HORMAD2: variants seen among roughly 807,000 people sequenced by gnomAD.
HORMAD2 encodes the protein HORMA domain-containing protein 2.
HORMAD2 carries 45 observed loss-of-function variants against 38.8 expected under a neutral mutation model. The observed-to-expected ratio is 1.16, with a 90% CI of 0.91 to 1.49. HORMAD2 has a LOEUF of 1.49. HORMAD2 is among the 40% of genes most tolerant of loss of function. The pLI, the probability that HORMAD2 is intolerant of heterozygous loss-of-function variation, is 0.00. For synonymous variants in HORMAD2, 126 were observed against 122.8 expected (o/e 1.03, Z -0.17); for missense variants, 338 against 367.0 (o/e 0.92, Z 0.65).
rs1022553067 is a variant in HORMAD2 at position 30,158,614 on chromosome 22, C to T, written c.820-17449C>T. ...CCTTCCTTCCCTCCCTCCCTCCGTC[C>T]CTCCCTCCCTCCCTTCCTCCCTTCC... On this transcript the variant is annotated intron_variant, in intron 10 of 10. Transcript: ENST00000336726. 3.0e-3 allele frequency among the ~76,000 whole-genome samples: 361 copies of T among 120,930 alleles called. 6 individuals are homozygous for T. Among genetic ancestry groups the T allele is most frequent in the East Asian group, 0.014 (46 of 3,382 alleles). The allele number at this position is 120,930 out of a possible 152,430, so 79.3% of individuals were successfully genotyped here.
intron 1 of HORMAD2, among the ~76,000 whole-genome samples, chr22:30,081,851 C>G (rs765402137): frequency 2.0e-5 from 3 of 152,164 alleles, no homozygotes; most frequent in Non-Finnish European, 2.9e-5. Flanking sequence ...TCCCAGAGTG[C>G]TGGGATTACA....
intron 10 of HORMAD2, among the ~76,000 whole-genome samples, chr22:30,135,330 G>A (rs1057246821): frequency 3.3e-5 from 5 of 151,868 alleles, no homozygotes; most frequent in South Asian, 2.1e-4. Context: ...CAGAAGAAAA[G>A]TGAGACCAGT....
the HORMAD2 span, among the ~76,000 whole-genome samples, chr22:30,205,727 G>A: frequency 6.6e-6 from 1 of 152,152 alleles, no homozygotes; most frequent in Non-Finnish European, 1.5e-5. Context: ...AGAGGAATTT[G>A]GCAGGGATCT....
intron 2 of HORMAD2, 51 bp downstream of exon 2, chr22:30,094,054 C>A: frequency 7.9e-7 from 1 of 1,262,888 alleles, no homozygotes; most frequent in African/African-American, 1.5e-5. Context: ...TGAGTTAGTT[C>A]AGAATTATGA....
At chr22:30,146,320 A>G (rs892115166) in intron 10 of HORMAD2, among the ~76,000 whole-genome samples, 6 of 151,872 alleles carry the variant, frequency 4.0e-5, no homozygotes, top group Non-Finnish European at 7.4e-5. Flanking sequence ...GTGAAACCCC[A>G]TCTCTGCTAA....
intron 10 of HORMAD2, among the ~76,000 whole-genome samples, chr22:30,147,898 C>G (rs1292826068): frequency 6.6e-6 from 1 of 151,968 alleles, no homozygotes; most frequent in Non-Finnish European, 1.5e-5. Flanking sequence ...TTACTTGAGC[C>G]CAGTAGTTCA....
intron 1 of HORMAD2, among the ~76,000 whole-genome samples, chr22:30,085,566 C>T (rs1045062378): frequency 6.6e-6 from 1 of 152,094 alleles, no homozygotes; most frequent in Non-Finnish European, 1.5e-5. Flanking sequence ...CCAGCCTGGC[C>T]AACATGGCTA....
chr22:30,188,512 C>G, the HORMAD2 span, among the ~76,000 whole-genome samples: 30 of 152,192 alleles, frequency 2.0e-4, 1 homozygote, highest in Admixed American at 1.3e-4. Context: ...CAAGGGCCAA[C>G]TTTTTCAAAG....
intron 10 of HORMAD2, chr22:30,137,000 G>T (rs1923709372): frequency 2.1e-6 from 1 of 476,408 alleles, no homozygotes; most frequent in East Asian, 3.9e-5. Context: ...AGTGTCAATT[G>T]TAAGAAGTCT....
chr22:30,103,649 A>T (rs1312646541), intron 4 of HORMAD2, 149 bp downstream of exon 4: 530 of 74,998 alleles, frequency 7.1e-3, no homozygotes, highest in East Asian at 0.018. Flanking sequence ...TCTGTTTTTG[A>T]TTTTTTTTTT....
At chr22:30,167,791 A>AT (rs1925875452) in intron 10 of HORMAD2, among the ~76,000 whole-genome samples, 2 of 152,192 alleles carry the variant, frequency 1.3e-5, no homozygotes, top group African/African-American at 2.4e-5. Context: ...CTCTTCTATA[A>AT]TTTTTTACCT....
At chr22:30,158,938 G>A (rs1453342865) in intron 10 of HORMAD2, among the ~76,000 whole-genome samples, 2 of 151,910 alleles carry the variant, frequency 1.3e-5, no homozygotes, top group Non-Finnish European at 2.9e-5. Flanking sequence ...GCACACCTCG[G>A]CCTCCAAAAG....
At chr22:30,197,892 G>A in the HORMAD2 span, among the ~76,000 whole-genome samples, 1 of 152,136 alleles carries the variant, frequency 6.6e-6, no homozygotes, top group Non-Finnish European at 1.5e-5. Flanking sequence ...AAGAGTCAAG[G>A]ATGGGCTGGG....
intron 1 of HORMAD2, among the ~76,000 whole-genome samples, chr22:30,091,102 C>T (rs1457398140): frequency 6.6e-6 from 1 of 152,084 alleles, no homozygotes; most frequent in Non-Finnish European, 1.5e-5. Context: ...ACTTGACTTA[C>T]TTCACTTAAA....
chr22:30,094,765 G>C (rs60759987), intron 2 of HORMAD2, among the ~76,000 whole-genome samples: 3 of 152,042 alleles, frequency 2.0e-5, no homozygotes, highest in East Asian at 3.8e-4. Flanking sequence ...GATAATTTGC[G>C]TAGAGGGGAG....
intron 8 of HORMAD2, among the ~76,000 whole-genome samples, chr22:30,121,122 T>C (rs1334503820): frequency 6.6e-6 from 1 of 152,190 alleles, no homozygotes; most frequent in Non-Finnish European, 1.5e-5. Context: ...AATAGTTAGA[T>C]AGCCACTGTA....
At chr22:30,128,223 A>G (rs1923016512) in intron 10 of HORMAD2, among the ~76,000 whole-genome samples, 1 of 152,218 alleles carries the variant, frequency 6.6e-6, no homozygotes, top group Non-Finnish European at 1.5e-5. Context: ...TTATTATAAC[A>G]TTAAAGTAAT....
the HORMAD2 span, among the ~76,000 whole-genome samples, chr22:30,185,868 A>AT: frequency 4.6e-5 from 7 of 151,968 alleles, no homozygotes; most frequent in African/African-American, 9.7e-5. Context: ...AATTAAAAAA[A>AT]AAAAAATAAA....
chr22:30,158,597 C>A (rs1189693719), intron 10 of HORMAD2, among the ~76,000 whole-genome samples: 29 of 99,304 alleles, frequency 2.9e-4, no homozygotes, highest in African/African-American at 1.1e-3. Flanking sequence ...TTCCTTCCTT[C>A]CCTCCCTCCC....
Sources: allele counts gnomAD v4.1 joint callset (sites outside exome capture counted in the v4.1 genomes callset), GRCh38; gene constraint gnomAD v4.1.1; transcripts MANE v1.5; gene names NCBI Gene and HGNC (gene_info 2026-07-23, HGNC 2026-07-21).